SNX2: variants seen among roughly 807,000 people sequenced by gnomAD.
The protein encoded by SNX2 is sorting nexin-2.
A neutral mutation model predicts 69.9 loss-of-function variants in SNX2; 25 were observed. The observed-to-expected ratio is 0.36, with a 90% CI of 0.26 to 0.50. SNX2 has a LOEUF of 0.50. Among genes scored for constraint, SNX2 ranks in the 20% least tolerant of loss-of-function variants. The pLI is 0.97. For synonymous variants in SNX2, 229 were observed against 200.4 expected (o/e 1.14, Z -1.20); for missense variants, 551 against 613.3 (o/e 0.90, Z 1.07).
At chr5:122,779,834 C>A (rs1344896380) in intron 1 of SNX2, among the ~76,000 whole-genome samples, 1 of 152,082 alleles carries the variant, frequency 6.6e-6, no homozygotes, top group East Asian at 1.9e-4. Flanking sequence ...CCTATCAACC[C>A]ATCACCTAGG....
intron 1 of SNX2, among the ~76,000 whole-genome samples, chr5:122,776,321 A>G (rs1752855330): frequency 6.6e-6 from 1 of 152,098 alleles, no homozygotes; most frequent in African/African-American, 2.4e-5. Context: ...CTAATTGTAT[A>G]TGCAGTGTCC....
In SNX2 at chr5:122,831,205, A is replaced by C. The variant is rs977413549; in HGVS notation, c.*1557A>C. On this transcript the variant is annotated 3_prime_UTR_variant, in exon 15 of 15. Coordinates refer to ENST00000379516, the MANE Select transcript of SNX2 (RefSeq NM_003100.4). ...ATTTATATATCGAAGTATCCTTAGC[A>C]TGTGTTTGCTTCTGCTTTAGTTGAA... Among the ~76,000 whole-genome samples the C allele has an allele frequency of 1.3e-5, 2 of 152,108 alleles. No homozygotes were observed. The highest frequency in any genetic ancestry group is 4.8e-5 in the African/African-American group (2 of 41,408).
chr5:122,801,527 C>A (rs373399500), intron 3 of SNX2, among the ~76,000 whole-genome samples: 71 of 151,638 alleles, frequency 4.7e-4, no homozygotes, highest in African/African-American at 1.6e-3. Flanking sequence ...ATTGCTTGAA[C>A]CCAGGAGGTG....
chr5:122,786,066 T>G (rs1753080716), intron 1 of SNX2, among the ~76,000 whole-genome samples: 1 of 152,224 alleles, frequency 6.6e-6, no homozygotes. Context: ...CATAGATGCT[T>G]AGGATTGTTT....
chr5:122,780,556 G>GTTTTC (rs1396573489), intron 1 of SNX2, among the ~76,000 whole-genome samples: 5 of 146,240 alleles, frequency 3.4e-5, no homozygotes, highest in Non-Finnish European at 7.4e-5. Context: ...TATATAACTT[G>GTTTTC]TTTTCTTTTC....
chr5:122,810,930 T>C (rs1753762082), intron 7 of SNX2, among the ~76,000 whole-genome samples: 1 of 152,230 alleles, frequency 6.6e-6, no homozygotes, highest in South Asian at 2.1e-4. Flanking sequence ...CTGTGCAAGC[T>C]AATTTTCCTG....
chr5:122,804,365 CTTT>C (rs1284102957), intron 6 of SNX2, among the ~76,000 whole-genome samples: 2 of 135,736 alleles, frequency 1.5e-5, no homozygotes. Context: ...AACATTTCTA[CTTT>C]TTTTTTTTTT....
At chr5:122,806,136 G>GCA (rs1218671336) in intron 6 of SNX2, among the ~76,000 whole-genome samples, 4 of 19,190 alleles carry the variant, frequency 2.1e-4, no homozygotes, top group Non-Finnish European at 4.2e-4. Flanking sequence ...ATATACACAC[G>GCA]CGCGCGCACA....
intron 7 of SNX2, among the ~76,000 whole-genome samples, chr5:122,812,977 C>G (rs1303489626): frequency 2.0e-5 from 3 of 152,088 alleles, no homozygotes; most frequent in African/African-American, 7.2e-5. Flanking sequence ...AATTTGAAAG[C>G]CTTGAGTGAT....
At chr5:122,799,884 T>A in intron 3 of SNX2, 29 bp downstream of exon 3, 1 of 1,550,522 alleles carries the variant, frequency 6.4e-7, no homozygotes, top group Non-Finnish European at 8.8e-7. Context: ...TAAATTAATA[T>A]GTAAATATAT....
At chr5:122,783,621 GT>G (rs1009468658) in intron 1 of SNX2, among the ~76,000 whole-genome samples, 2 of 152,076 alleles carry the variant, frequency 1.3e-5, no homozygotes, top group African/African-American at 4.8e-5. Context: ...ACCTATTTCT[GT>G]TTTGTTTCAT....
rs58159922 is a variant in SNX2 at position 122,831,009 on chromosome 5, CAA to C, written c.*1384_*1385del. On this transcript the variant is annotated 3_prime_UTR_variant, in exon 15 of 15. Transcript: ENST00000379516. ...AGGCAACAAAAGCAAAACTCCATCT[CAA>C]AAAAAAAAAAAAAAAAAAAAAAGAT... Among the ~76,000 whole-genome samples the C allele has an allele frequency of 0.033, 2,051 of 62,916 alleles. 25 individuals carry two copies. Among genetic ancestry groups the C allele is most frequent in the African/African-American group, 0.082 (1,369 of 16,686 alleles). The allele number at this position is 62,916 out of a possible 152,430, so 41.3% of individuals were successfully genotyped here.
chr5:122,775,817 C>CAT, intron 1 of SNX2: 1 of 969,754 alleles, frequency 1.0e-6, no homozygotes, highest in Non-Finnish European at 1.2e-6. Context: ...TTTAAAAGGT[C>CAT]ATAGTATTTA....
intron 1 of SNX2, among the ~76,000 whole-genome samples, chr5:122,794,559 A>G (rs1753332339): frequency 6.6e-6 from 1 of 152,226 alleles, no homozygotes; most frequent in Admixed American, 6.5e-5. Flanking sequence ...CCCACCAGGA[A>G]AAACAAACAA....
intron 2 of SNX2, among the ~76,000 whole-genome samples, chr5:122,796,067 G>A (rs1028153360): frequency 6.6e-6 from 1 of 152,128 alleles, no homozygotes; most frequent in Non-Finnish European, 1.5e-5. Flanking sequence ...CTTTCATTGA[G>A]TTAAAACTTA....
chr5:122,816,279 G>A (rs1404002268), intron 8 of SNX2, among the ~76,000 whole-genome samples: 3 of 149,098 alleles, frequency 2.0e-5, no homozygotes, highest in Non-Finnish European at 4.5e-5. Flanking sequence ...AGTTTATTCA[G>A]ACTTCATTTT....
At chr5:122,806,137 C>CGT (rs1554063152) in intron 6 of SNX2, among the ~76,000 whole-genome samples, 4 of 112,942 alleles carry the variant, frequency 3.5e-5, no homozygotes, top group Non-Finnish European at 8.0e-5. Context: ...TATACACACG[C>CGT]GCGCGCACAC....
chr5:122,775,777 C>T (rs1320863153), intron 1 of SNX2: 1 of 985,264 alleles, frequency 1.0e-6, no homozygotes, highest in Non-Finnish European at 1.2e-6. Flanking sequence ...ATGCATTTGC[C>T]TCTTTTTGTT....
At chr5:122,785,799 T>A (rs933584393) in intron 1 of SNX2, among the ~76,000 whole-genome samples, 5 of 152,234 alleles carry the variant, frequency 3.3e-5, no homozygotes, top group Middle Eastern at 3.2e-3. Context: ...CCAGAACATG[T>A]TCTATTATGC....
Sources: gnomAD v4.1 joint callset for allele counts (sites outside exome capture counted in the v4.1 genomes callset) on GRCh38, gnomAD v4.1.1 for gene constraint, MANE v1.5 for transcripts, NCBI Gene and HGNC (gene_info 2026-07-23, HGNC 2026-07-21) for gene names.